RIC3: variants seen among roughly 807,000 people sequenced by gnomAD.
RIC3 encodes RIC3 acetylcholine receptor chaperone.
A neutral mutation model predicts 27.3 loss-of-function variants in RIC3; 28 were observed. The ratio of observed to expected loss-of-function variants is 1.02; its 90% CI spans 0.76 to 1.41. The LOEUF is 1.41. RIC3 is among the 40% of genes most tolerant of loss of function. RIC3 has a pLI of 0.00. For missense variants in RIC3, 501 were observed against 444.7 expected (o/e 1.13, Z -1.14); for synonymous variants, 184 against 160.4 (o/e 1.15, Z -1.11).
chr11:8,110,737 G>T lies in RIC3; in HGVS notation c.1071C>A (p.Gly357=). 1 of 1,614,190 alleles carries T rather than the reference G, an allele frequency of 6.2e-7. No individual in the cohort carries two copies. Among genetic ancestry groups the T allele is most frequent in the South Asian group, 1.1e-5 (1 of 91,070 alleles). ...LGISTDKAYT[G]SMLRKRNPQG... ...GGGGGTTACGCTTCCTCAGCATGCT[G>T]CCTGTATATGCTTTATCGGTGCTGA... The change falls in exon 6 of 6, where the codon GGC becomes GGA. Residue 357 remains glycine (G), a synonymous_variant. Coordinates refer to ENST00000309737, the MANE Select transcript of RIC3 (RefSeq NM_001206671.4).
intron 1 of RIC3, among the ~76,000 whole-genome samples, chr11:8,140,929 C>G (rs1259491603): frequency 2.0e-5 from 3 of 150,176 alleles, no homozygotes; most frequent in African/African-American, 7.4e-5. Flanking sequence ...TCCAGCCAAA[C>G]TAAGCTTCAT....
chr11:8,096,145 G>A, the RIC3 span, among the ~76,000 whole-genome samples: 1 of 152,200 alleles, frequency 6.6e-6, no homozygotes, highest in Admixed American at 6.5e-5. Flanking sequence ...GGATGGGGAT[G>A]GCATTCCCAG....
At chr11:8,111,181 C>CTTAA in intron 5 of RIC3, 44 bp from the exon 6 acceptor site, 1 of 1,064,842 alleles carries the variant, frequency 9.4e-7, no homozygotes, top group South Asian at 1.8e-5. Context: ...AATGTCTCCT[C>CTTAA]AAAAAAAAAA....
chr11:8,137,215 G>C (rs1948522984), intron 4 of RIC3, among the ~76,000 whole-genome samples, 163 bp downstream of exon 4: 1 of 152,048 alleles, frequency 6.6e-6, no homozygotes, highest in African/African-American at 2.4e-5. Context: ...GTAGAGACAG[G>C]GTTTCATCAT....
At chr11:8,134,356 T>C (rs12363594) in intron 4 of RIC3, among the ~76,000 whole-genome samples, 6,323 of 152,326 alleles carry the variant, frequency 0.042, 153 homozygotes, top group Middle Eastern at 0.082. Context: ...TAGTATTCCA[T>C]GGTATATATG....
chr11:8,130,637 T>G lies in RIC3; in HGVS notation c.522-3830A>C, dbSNP rs150794869. On this transcript the variant is annotated intron_variant, in intron 4 of 5. Coordinates refer to ENST00000309737, the MANE Select transcript of RIC3 (RefSeq NM_001206671.4). ...CTCTCACTGGCCTATTACCATTTGC[T>G]GAAACCTTTTCAATAGCCTTCTAGT... Among the ~76,000 whole-genome samples, 131 of 152,292 alleles carry G rather than the reference T, an allele frequency of 8.6e-4. No homozygotes were observed. In the East Asian group the frequency reaches 0.02, roughly 23 times the overall value.
intron 4 of RIC3, among the ~76,000 whole-genome samples, chr11:8,134,007 T>C (rs571518876): frequency 4.6e-4 from 70 of 151,848 alleles, no homozygotes; most frequent in African/African-American, 1.5e-3. Context: ...TATATATTTT[T>C]TATTATACTT....
At chr11:8,162,321 C>G (rs966475322) in intron 1 of RIC3, among the ~76,000 whole-genome samples, 3 of 152,190 alleles carry the variant, frequency 2.0e-5, no homozygotes, top group Admixed American at 2.0e-4. Context: ...TCACAAGCAC[C>G]CTAACTGGTG....
At chr11:8,142,837 G>A (rs2133964382) in intron 1 of RIC3, among the ~76,000 whole-genome samples, 3 of 96,614 alleles carry the variant, frequency 3.1e-5, no homozygotes, top group South Asian at 7.8e-4. Flanking sequence ...CCATGATCAA[G>A]TGGGCTTCAT....
At chr11:8,101,696 A>ATCC, downstream of RIC3, 2 of 1,563,576 alleles carry the variant, frequency 1.3e-6, no homozygotes, top group Non-Finnish European at 1.7e-6. Context: ...AGCCCTGCCT[A>ATCC]TCCTCTGTAT....
At chr11:8,128,229 C>T (rs1259805327) in intron 4 of RIC3, 1 of 457,410 alleles carries the variant, frequency 2.2e-6, no homozygotes, top group South Asian at 1.5e-5. Context: ...CTGCTTATCA[C>T]AAACTCTTGT....
chr11:8,100,687 G>T, the RIC3 span: 5 of 1,523,382 alleles, frequency 3.3e-6, no homozygotes, highest in South Asian at 3.4e-5. Context: ...GCTGATGTGT[G>T]TATGTGGAGG....
chr11:8,105,043 A>G (rs952233739), downstream of RIC3: 5 of 152,196 alleles, frequency 3.3e-5, no homozygotes, highest in African/African-American at 7.2e-5. Flanking sequence ...TTTCAAAGAA[A>G]AAGGTCCATG....
chr11:8,163,009 G>T (rs1951322050), intron 1 of RIC3, among the ~76,000 whole-genome samples: 1 of 119,104 alleles, frequency 8.4e-6, no homozygotes, highest in African/African-American at 3.8e-5. Context: ...TTTTCATCTG[G>T]ATTATTTAAA....
chr11:8,164,937 A>G (rs1951547524), intron 1 of RIC3, among the ~76,000 whole-genome samples: 1 of 152,316 alleles, frequency 6.6e-6, no homozygotes, highest in African/African-American at 2.4e-5. Flanking sequence ...CATCAGGGAA[A>G]TGCAAATAAA....
chr11:8,148,701 A>G (rs1404997566), intron 1 of RIC3, among the ~76,000 whole-genome samples: 1 of 152,192 alleles, frequency 6.6e-6, no homozygotes, highest in Admixed American at 6.5e-5. Flanking sequence ...CATATGCAAG[A>G]AAAGAAGAGA....
At chr11:8,134,766 A>G (rs575126187) in intron 4 of RIC3, among the ~76,000 whole-genome samples, 8 of 152,080 alleles carry the variant, frequency 5.3e-5, no homozygotes, top group African/African-American at 1.9e-4. Flanking sequence ...GCATTTTTTC[A>G]TGTGTCTTTT....
chr11:8,128,478 A>T (rs1050105458), intron 4 of RIC3: 2 of 346,972 alleles, frequency 5.8e-6, no homozygotes, highest in South Asian at 2.2e-5. Flanking sequence ...ATCATGCATT[A>T]TGCATTAATC....
the RIC3 span, chr11:8,100,849 C>A: frequency 6.2e-7 from 1 of 1,614,180 alleles, no homozygotes; most frequent in East Asian, 2.2e-5. Flanking sequence ...TGCTAGCACG[C>A]TGGCAGAATA....
Sources: allele counts gnomAD v4.1 joint callset (sites outside exome capture counted in the v4.1 genomes callset), GRCh38; gene constraint gnomAD v4.1.1; transcripts MANE v1.5; gene names NCBI Gene and HGNC (gene_info 2026-07-23, HGNC 2026-07-21).